NCKAP5: variants seen among roughly 807,000 people sequenced by gnomAD.
NCKAP5 encodes NCK associated protein 5.
In NCKAP5, 92 loss-of-function variants were observed where a neutral mutation model predicts 167.0. The ratio of observed to expected loss-of-function variants is 0.55; its 90% CI spans 0.47 to 0.66. NCKAP5 has a LOEUF of 0.66. Ranked by LOEUF, NCKAP5 falls within the 30% of genes least tolerant of loss-of-function variation. The pLI is 0.00. For synonymous variants in NCKAP5, 891 were observed against 877.4 expected (o/e 1.02, Z -0.27); for missense variants, 2,378 against 2,315.0 (o/e 1.03, Z -0.56).
At chr2:132,766,433 T>C (rs1407909132) in intron 16 of NCKAP5, among the ~76,000 whole-genome samples, 1 of 152,142 alleles carries the variant, frequency 6.6e-6, no homozygotes, top group African/African-American at 2.4e-5. Flanking sequence ...TTTCTATTCT[T>C]ATTTAAACCA....
the NCKAP5 span, among the ~76,000 whole-genome samples, chr2:133,583,841 C>T: frequency 2.0e-5 from 3 of 152,098 alleles, no homozygotes; most frequent in Middle Eastern, 3.2e-3. Flanking sequence ...GCAAGCTCTG[C>T]CTCCTGGGTT....
At chr2:133,625,820 C>T in the NCKAP5 span, among the ~76,000 whole-genome samples, 1 of 146,918 alleles carries the variant, frequency 6.8e-6, no homozygotes, top group Non-Finnish European at 1.5e-5. Context: ...TGCAGTGAGC[C>T]GAGATGGCGC....
intron 3 of NCKAP5, among the ~76,000 whole-genome samples, chr2:133,328,619 G>A (rs1190102215): frequency 1.3e-5 from 2 of 152,142 alleles, no homozygotes; most frequent in African/African-American, 4.8e-5. Context: ...TAATGAACAC[G>A]TAATTGGAGC....
the NCKAP5 span, among the ~76,000 whole-genome samples, chr2:133,598,585 A>C: frequency 2.0e-5 from 3 of 152,190 alleles, no homozygotes; most frequent in Non-Finnish European, 4.4e-5. Flanking sequence ...TCTCCTTGAC[A>C]ACAGGGGCCC....
chr2:132,796,651 A>ACTGTGTCAGACTTCGGTTTCTTTC lies in NCKAP5; in HGVS notation c.862_885dup (p.Glu288_Gln295dup), dbSNP rs1398342945. On this transcript the variant is annotated inframe_insertion, in exon 12 of 20. Coordinates refer to ENST00000409261, the MANE Select transcript of NCKAP5 (RefSeq NM_207363.3). ...ACGTGCACCTCAGCATCAGTTCGTG[A>ACTGTGTCAGACTTCGGTTTCTTTC]CTGTGTCAGACTTCGGTTTCTTTCC... The ACTGTGTCAGACTTCGGTTTCTTTC allele has an allele frequency of 1.9e-6, 3 of 1,613,196 alleles. No individual in the cohort carries two copies. The South Asian group carries it at 3.3e-5, about 18-fold the overall frequency.
At chr2:132,702,341 G>A (rs754803244) in intron 19 of NCKAP5, among the ~76,000 whole-genome samples, 2 of 152,030 alleles carry the variant, frequency 1.3e-5, no homozygotes, top group African/African-American at 4.8e-5. Flanking sequence ...AAATTTAAGG[G>A]GACTCCAGCC....
rs544050093 is a variant in NCKAP5, at chr2:133,413,628, C to T, written c.69+103830G>A. On this transcript the variant is annotated intron_variant, in intron 3 of 19. Transcript: ENST00000409261. ...AAAAAAAAAAATTTAATGAGCTAAA[C>T]TTTATAAATCAGAAGATGTCACATT... is the stretch of plus-strand genomic sequence containing the variant. Among the ~76,000 whole-genome samples, 4 of 152,004 alleles carry T rather than the reference C, an allele frequency of 2.6e-5. No individual in the cohort carries two copies. The East Asian group carries it at 7.8e-4, about 30-fold the overall frequency.
chr2:133,607,562 T>G, the NCKAP5 span, among the ~76,000 whole-genome samples: 731 of 152,286 alleles, frequency 4.8e-3, no homozygotes, highest in Non-Finnish European at 7.7e-3. Context: ...TGAAAGAGAC[T>G]GAGGAAGAGA....
chr2:132,928,487 A>G (rs967237903), intron 8 of NCKAP5, among the ~76,000 whole-genome samples: 8 of 152,176 alleles, frequency 5.3e-5, no homozygotes, highest in Non-Finnish European at 1.2e-4. Context: ...GATAAATAAT[A>G]GCTATGACAC....
chr2:133,202,474 T>C (rs1233383629), intron 5 of NCKAP5, among the ~76,000 whole-genome samples: 3 of 152,138 alleles, frequency 2.0e-5, no homozygotes, highest in Admixed American at 6.5e-5. Flanking sequence ...GACATAGGCA[T>C]GGACAAGGAC....
At chr2:132,972,769 A>G (rs1573598102) in intron 7 of NCKAP5, among the ~76,000 whole-genome samples, 1 of 152,038 alleles carries the variant, frequency 6.6e-6, no homozygotes, top group African/African-American at 2.4e-5. Context: ...AGGCTGAGGC[A>G]GGAGAATCAC....
chr2:132,790,230 CA>C, intron 12 of NCKAP5, 25 bp from the exon 13 acceptor site: 1 of 1,597,512 alleles, frequency 6.3e-7, no homozygotes, highest in Non-Finnish European at 8.5e-7. Context: ...CAGCTCTGAG[CA>C]AGGGCTTTGC....
At chr2:132,785,782 A>C (rs903312160) in intron 13 of NCKAP5, 64 bp from the exon 14 acceptor site, 10 of 1,309,080 alleles carry the variant, frequency 7.6e-6, no homozygotes, top group Middle Eastern at 2.0e-4. Flanking sequence ...TATAAAAGGA[A>C]AAGTACATCA....
the NCKAP5 span, among the ~76,000 whole-genome samples, chr2:133,616,659 A>C: frequency 6.6e-6 from 1 of 152,180 alleles, no homozygotes; most frequent in East Asian, 1.9e-4. Flanking sequence ...GGCAATAATC[A>C]ATAGCTTACC....
intron 9 of NCKAP5, among the ~76,000 whole-genome samples, chr2:132,871,648 T>G (rs1383116273): frequency 6.6e-5 from 10 of 152,188 alleles, no homozygotes; most frequent in Non-Finnish European, 1.3e-4. Context: ...CCTATAGGCT[T>G]AGAGACTCTA....
chr2:133,583,468 TG>T, the NCKAP5 span, among the ~76,000 whole-genome samples: 48,805 of 152,026 alleles, frequency 0.32, 8,169 homozygotes, highest in South Asian at 0.42. Context: ...GCCAGCACCG[TG>T]GATTCCTGTA....
intron 6 of NCKAP5, among the ~76,000 whole-genome samples, chr2:133,083,205 A>C (rs149854854): frequency 1.6e-4 from 25 of 152,304 alleles, no homozygotes; most frequent in Non-Finnish European, 2.4e-4. Flanking sequence ...TCTTATGGCC[A>C]CTTGCATATT....
At chr2:133,159,803 T>C (rs2083714702) in intron 5 of NCKAP5, among the ~76,000 whole-genome samples, 1 of 152,162 alleles carries the variant, frequency 6.6e-6, no homozygotes, top group Non-Finnish European at 1.5e-5. Flanking sequence ...CAAGTTGGAA[T>C]GACTGTGAAA....
At chr2:133,565,952 G>A (rs1444473257) in intron 1 of NCKAP5, among the ~76,000 whole-genome samples, 1 of 152,202 alleles carries the variant, frequency 6.6e-6, no homozygotes, top group Non-Finnish European at 1.5e-5. Flanking sequence ...TCGACGGAAA[G>A]AGGTATTTAA....
Sources: gnomAD v4.1 joint callset for allele counts (sites outside exome capture counted in the v4.1 genomes callset) on GRCh38, gnomAD v4.1.1 for gene constraint, MANE v1.5 for transcripts, NCBI Gene and HGNC (gene_info 2026-07-23, HGNC 2026-07-21) for gene names.